Variants in CACNA2D1 observed in about 807,000 individuals in gnomAD.
CACNA2D1 encodes voltage-dependent calcium channel subunit alpha-2/delta-1.
CACNA2D1 carries 53 observed loss-of-function variants against 171.5 expected under a neutral mutation model. That is an observed-to-expected ratio of 0.31 (90% CI 0.25 to 0.39). CACNA2D1 has a LOEUF of 0.39. CACNA2D1 is among the 10% of genes least tolerant of loss of function. The pLI is 1.00. For synonymous variants in CACNA2D1, 442 were observed against 443.1 expected, an observed-to-expected ratio of 1.00 and a Z score of 0.03; for missense variants, 903 against 1,299.8, an observed-to-expected ratio of 0.69 and a Z score of 4.69.
At chr7:82,279,278 T>C (rs1809767076) in intron 3 of CACNA2D1, among the ~76,000 whole-genome samples, 1 of 152,224 alleles carries the variant, frequency 6.6e-6, no homozygotes, top group Admixed American at 6.5e-5. Flanking sequence ...CAGGCTGCAA[T>C]GCATCCATTT....
At chr7:82,060,984 CTAAAG>C (rs1426496346) in intron 9 of CACNA2D1, among the ~76,000 whole-genome samples, 2 of 152,056 alleles carry the variant, frequency 1.3e-5, no homozygotes, top group African/African-American at 4.8e-5. Context: ...GTTCTGCATC[CTAAAG>C]TAAATATCCT....
chr7:81,973,533 A>G (rs1255967928), intron 25 of CACNA2D1, among the ~76,000 whole-genome samples: 1 of 152,046 alleles, frequency 6.6e-6, no homozygotes, highest in Non-Finnish European at 1.5e-5. Flanking sequence ...CCTAATAGAA[A>G]GATAAATAAT....
At chr7:82,048,035 C>A (rs909342397) in intron 10 of CACNA2D1, among the ~76,000 whole-genome samples, 3 of 152,028 alleles carry the variant, frequency 2.0e-5, no homozygotes, top group Non-Finnish European at 2.9e-5. Context: ...CTCATCTGTA[C>A]ACATCTACAA....
At chr7:82,047,308 T>C (rs1254594905) in intron 10 of CACNA2D1, among the ~76,000 whole-genome samples, 1 of 152,178 alleles carries the variant, frequency 6.6e-6, no homozygotes, top group African/African-American at 2.4e-5. Flanking sequence ...AATCACATAC[T>C]GTCTGATCTG....
At chr7:82,043,383 A>G (rs1441745190) in intron 10 of CACNA2D1, among the ~76,000 whole-genome samples, 1 of 152,224 alleles carries the variant, frequency 6.6e-6, no homozygotes, top group East Asian at 1.9e-4. Flanking sequence ...GATACTCAGT[A>G]CTAAAATTAG....
At chr7:82,027,347 G>A (rs1802060718) in intron 12 of CACNA2D1, among the ~76,000 whole-genome samples, 1 of 151,656 alleles carries the variant, frequency 6.6e-6, no homozygotes, top group Non-Finnish European at 1.5e-5. Context: ...ATTAGAAAAT[G>A]TGGGATGTCA....
chr7:82,071,486 T>C (rs778060543), intron 7 of CACNA2D1, among the ~76,000 whole-genome samples: 3 of 152,012 alleles, frequency 2.0e-5, no homozygotes, highest in Non-Finnish European at 4.4e-5. Context: ...GTAGAGAAAA[T>C]AACTGGCATA....
At chr7:82,195,121 C>T (rs1798722290) in intron 3 of CACNA2D1, among the ~76,000 whole-genome samples, 4 of 151,826 alleles carry the variant, frequency 2.6e-5, no homozygotes, top group South Asian at 2.1e-4. Context: ...TTTTTGTTTA[C>T]AAAATTATTT....
intron 3 of CACNA2D1, among the ~76,000 whole-genome samples, chr7:82,313,942 A>T (rs1814781904): frequency 6.6e-6 from 1 of 152,222 alleles, no homozygotes; most frequent in African/African-American, 2.4e-5. Flanking sequence ...ATCATATTGC[A>T]TATCATGTCA....
chr7:82,111,379 T>TTC (rs1788382967), intron 6 of CACNA2D1, among the ~76,000 whole-genome samples: 1 of 113,110 alleles, frequency 8.8e-6, no homozygotes, highest in South Asian at 3.2e-4. Flanking sequence ...TATATATTCA[T>TTC]ATATGTGTAT....
chr7:82,294,079 G>A (rs1811979669), intron 3 of CACNA2D1, among the ~76,000 whole-genome samples: 1 of 151,796 alleles, frequency 6.6e-6, no homozygotes, highest in Non-Finnish European at 1.5e-5. Flanking sequence ...ATTCCAATGG[G>A]GCATTTGAAA....
At chr7:82,018,137 A>G (rs919101117) in intron 12 of CACNA2D1, among the ~76,000 whole-genome samples, 2 of 152,208 alleles carry the variant, frequency 1.3e-5, no homozygotes, top group Non-Finnish European at 2.9e-5. Flanking sequence ...ATATACAGTA[A>G]CAGATGGCTT....
chr7:82,045,501 G>A (rs1251169665), intron 10 of CACNA2D1, among the ~76,000 whole-genome samples: 3 of 151,988 alleles, frequency 2.0e-5, no homozygotes, highest in Admixed American at 1.3e-4. Context: ...TAGTCATGGT[G>A]GAATTTAGTT....
At chr7:82,320,034 G>C (rs931665014) in intron 3 of CACNA2D1, among the ~76,000 whole-genome samples, 3 of 151,740 alleles carry the variant, frequency 2.0e-5, no homozygotes, top group African/African-American at 7.3e-5. Context: ...CATATGAGCT[G>C]GTATCTGGAA....
intron 1 of CACNA2D1, among the ~76,000 whole-genome samples, chr7:82,423,536 C>T (rs1828911995): frequency 6.6e-6 from 1 of 152,104 alleles, no homozygotes; most frequent in Non-Finnish European, 1.5e-5. Context: ...CATTAAAAGC[C>T]AAATTTGCTT....
chr7:82,220,261 T>C (rs1293206757), intron 3 of CACNA2D1, among the ~76,000 whole-genome samples: 1 of 152,198 alleles, frequency 6.6e-6, no homozygotes, highest in East Asian at 1.9e-4. Flanking sequence ...AATCAATAGA[T>C]TGACGGTAAT....
rs115612201 is a variant in CACNA2D1 at position 82,407,129 on chromosome 7, A to G, written c.95+36236T>C. Among the ~76,000 whole-genome samples the G allele has an allele frequency of 1.5e-3, 223 of 152,318 alleles. 1 individual carries two copies. The highest frequency in any genetic ancestry group is 5.0e-3 in the African/African-American group (208 of 41,578). On this transcript the variant is annotated intron_variant, in intron 1 of 38. Coordinates refer to ENST00000356860, the MANE Select transcript of CACNA2D1 (RefSeq NM_000722.4). ...AAGAGTTGCAGCACGGCTCAAATTAACAACTGCCTGACAGGTGTCTTCAAC... is the reference window on the plus strand; with the variant it reads ...AAGAGTTGCAGCACGGCTCAAATTAGCAACTGCCTGACAGGTGTCTTCAAC...
At chr7:82,198,284 T>G (rs929516698) in intron 3 of CACNA2D1, among the ~76,000 whole-genome samples, 5 of 152,126 alleles carry the variant, frequency 3.3e-5, no homozygotes, top group African/African-American at 1.2e-4. Context: ...AATAAGTTAC[T>G]GGAGCACAAA....
At chr7:82,087,577 T>A (rs1424687517) in intron 6 of CACNA2D1, among the ~76,000 whole-genome samples, 3 of 136,808 alleles carry the variant, frequency 2.2e-5, no homozygotes, top group Admixed American at 7.3e-5. Context: ...AAAAAAAAAA[T>A]GGAAAAGAAA....
Sources: allele counts gnomAD v4.1 joint callset (sites outside exome capture counted in the v4.1 genomes callset), GRCh38; gene constraint gnomAD v4.1.1; transcripts MANE v1.5; gene names NCBI Gene and HGNC (gene_info 2026-07-23, HGNC 2026-07-21).